HHLA2: variants seen among roughly 807,000 people sequenced by gnomAD.
HHLA2 encodes the protein HHLA2 member of B7 family, also known as HERV-H LTR-associating protein 2.
HHLA2 carries 48 observed loss-of-function variants against 45.9 expected under a neutral mutation model. That is an observed-to-expected ratio of 1.05 (90% CI 0.83 to 1.33). The LOEUF (loss-of-function observed/expected upper bound fraction) is 1.33, where lower values mean the gene tolerates loss of function less well. HHLA2 is among the 40% of genes most tolerant of loss of function. HHLA2 has a pLI of 0.00. For missense variants in HHLA2, 462 were observed against 494.3 expected (o/e 0.93, Z 0.62); for synonymous variants, 161 against 173.9 (o/e 0.93, Z 0.59).
intron 1 of HHLA2, among the ~76,000 whole-genome samples, chr3:108,301,732 C>G (rs1331673069): frequency 6.6e-6 from 1 of 152,130 alleles, no homozygotes; most frequent in South Asian, 2.1e-4. Context: ...CCCTTTCTCC[C>G]TCAACTCAAG....
At chr3:108,366,767 T>C (rs975441834) in intron 8 of HHLA2, among the ~76,000 whole-genome samples, 2 of 152,252 alleles carry the variant, frequency 1.3e-5, no homozygotes, top group African/African-American at 2.4e-5. Flanking sequence ...TAGAGGTGTT[T>C]ATAGTATTCT....
chr3:108,365,873 G>A (rs567240378), intron 8 of HHLA2, among the ~76,000 whole-genome samples: 7 of 152,182 alleles, frequency 4.6e-5, no homozygotes, highest in Non-Finnish European at 8.8e-5. Flanking sequence ...TCAGCTTAAG[G>A]AGATTTTGGG....
chr3:108,347,592 T>G (rs2081689042), intron 3 of HHLA2, among the ~76,000 whole-genome samples: 1 of 152,176 alleles, frequency 6.6e-6, no homozygotes, highest in Non-Finnish European at 1.5e-5. Context: ...TGACTTCTTT[T>G]TTTAAAAAAT....
chr3:108,331,056 T>TTATTA (rs1560216840), intron 3 of HHLA2, among the ~76,000 whole-genome samples: 3 of 151,978 alleles, frequency 2.0e-5, no homozygotes, highest in Non-Finnish European at 4.4e-5. Context: ...GCTGCCGCAG[T>TTATTA]TTATTAGGGT....
At chr3:108,325,504 A>G (rs990710968) in intron 2 of HHLA2, 2 of 339,290 alleles carry the variant, frequency 5.9e-6, no homozygotes, top group East Asian at 9.6e-5. Flanking sequence ...CCTGGCAGTA[A>G]TTAAAACCTT....
At position 108,298,453 on chromosome 3, in the gene HHLA2, CCT is replaced by C. The variant is rs1313643174; in HGVS notation, c.-192+1855_-192+1856del. Among the ~76,000 whole-genome samples, 3 of 152,196 alleles carry C rather than the reference CCT, an allele frequency of 2.0e-5. No homozygotes were observed. In the East Asian group the frequency reaches 5.8e-4, roughly 29 times the overall value. On this transcript the variant is annotated intron_variant, in intron 1 of 10. Coordinates refer to ENST00000619531, the Ensembl canonical transcript of HHLA2. ...GTTGTAGTGTTTATATGTTCAAAATCCTTCTAATTTAGCCCCAACTAAAGTTT... is the reference window on the plus strand; with the variant it reads ...GTTGTAGTGTTTATATGTTCAAAATCTCTAATTTAGCCCCAACTAAAGTTT...
intron 2 of HHLA2, among the ~76,000 whole-genome samples, chr3:108,327,444 T>C (rs934663853): frequency 1.3e-5 from 2 of 152,210 alleles, no homozygotes; most frequent in African/African-American, 2.4e-5. Flanking sequence ...ATTTCACTTA[T>C]GCTTTCTCAC....
chr3:108,336,739 C>T (rs2081477948), intron 3 of HHLA2, among the ~76,000 whole-genome samples: 1 of 151,928 alleles, frequency 6.6e-6, no homozygotes, highest in Non-Finnish European at 1.5e-5. Context: ...GATGATTGCC[C>T]TTCTATGCAC....
intron 7 of HHLA2, among the ~76,000 whole-genome samples, chr3:108,360,359 T>C (rs955864752): frequency 9.2e-5 from 14 of 152,140 alleles, no homozygotes; most frequent in Admixed American, 2.6e-4. Flanking sequence ...CTTCACAATT[T>C]TACAGATAGA....
intron 3 of HHLA2, among the ~76,000 whole-genome samples, chr3:108,344,903 A>G (rs2081635838): frequency 6.6e-6 from 1 of 152,188 alleles, no homozygotes; most frequent in Admixed American, 6.5e-5. Context: ...TTATCTACCC[A>G]TTTGACAAGA....
At chr3:108,376,124 A>G (rs929899957) in intron 9 of HHLA2, among the ~76,000 whole-genome samples, 1 of 152,072 alleles carries the variant, frequency 6.6e-6, no homozygotes, top group Non-Finnish European at 1.5e-5. Context: ...CCATAAGGAG[A>G]CCTTCTTTGA....
chr3:108,327,922 C>G (rs1335087174), intron 2 of HHLA2, among the ~76,000 whole-genome samples: 4 of 152,132 alleles, frequency 2.6e-5, no homozygotes, highest in Non-Finnish European at 5.9e-5. Context: ...CACCTGAAGT[C>G]AGGAGTTCGA....
At chr3:108,359,390 G>T (rs1484488623) in intron 7 of HHLA2, among the ~76,000 whole-genome samples, 2 of 152,172 alleles carry the variant, frequency 1.3e-5, no homozygotes. Flanking sequence ...CGAGGAAGAG[G>T]ACTTGGCAGG....
At chr3:108,370,555 T>C (rs989395639) in intron 8 of HHLA2, among the ~76,000 whole-genome samples, 5 of 151,904 alleles carry the variant, frequency 3.3e-5, no homozygotes, top group African/African-American at 9.7e-5. Flanking sequence ...TTCGAACCCA[T>C]GGCAAAGAAA....
chr3:108,349,877 G>C (rs1179315576), intron 3 of HHLA2, among the ~76,000 whole-genome samples: 1 of 152,176 alleles, frequency 6.6e-6, no homozygotes, highest in African/African-American at 2.4e-5. Context: ...AGAGAAGGTA[G>C]CAAATATTGG....
chr3:108,341,500 A>T (rs776954025), intron 3 of HHLA2, among the ~76,000 whole-genome samples: 1 of 152,182 alleles, frequency 6.6e-6, no homozygotes, highest in African/African-American at 2.4e-5. Context: ...TACTAAGCAA[A>T]TGTGTGTCTC....
intron 7 of HHLA2, among the ~76,000 whole-genome samples, chr3:108,361,705 G>A (rs890124716): frequency 6.6e-6 from 1 of 151,948 alleles, no homozygotes. Flanking sequence ...GGGGGACTTG[G>A]AATGTATCCC....
intron 2 of HHLA2, among the ~76,000 whole-genome samples, chr3:108,321,145 A>G (rs2081194560): frequency 1.4e-5 from 2 of 147,968 alleles, no homozygotes; most frequent in African/African-American, 5.0e-5. Flanking sequence ...TCATGGTTCT[A>G]ACAGGCAGAG....
chr3:108,330,545 T>C (rs2081368401), intron 3 of HHLA2, among the ~76,000 whole-genome samples: 1 of 152,208 alleles, frequency 6.6e-6, no homozygotes, highest in African/African-American at 2.4e-5. Flanking sequence ...CCAAGTCCAG[T>C]GAGTCCTTTA....
Sources: gnomAD v4.1 joint callset for allele counts (sites outside exome capture counted in the v4.1 genomes callset) on GRCh38, gnomAD v4.1.1 for gene constraint, MANE v1.5 for transcripts, NCBI Gene and HGNC (gene_info 2026-07-23, HGNC 2026-07-21) for gene names.